The following ZNF518B variants were observed in gnomAD, a reference collection of about 807,000 sequenced individuals.
The protein encoded by ZNF518B is zinc finger protein 518B.
In ZNF518B, 23 loss-of-function variants were observed where a neutral mutation model predicts 56.3. That is an observed-to-expected ratio of 0.41 (90% CI 0.29 to 0.58). The LOEUF (loss-of-function observed/expected upper bound fraction) is 0.58, where lower values mean the gene tolerates loss of function less well. ZNF518B is among the 20% of genes least tolerant of loss of function. The pLI, the probability that ZNF518B is intolerant of heterozygous loss-of-function variation, is 0.32. For missense variants in ZNF518B, 1,460 were observed against 1,272.1 expected (o/e 1.15, Z -2.25); for synonymous variants, 529 against 465.9 (o/e 1.14, Z -1.74).
rs1325316370 is a variant in ZNF518B, at chr4:10,446,107, C to G, written c.222G>C (p.Leu74Phe). ...TACCGTCCTTCCCTGTACCCTTCTGCAAATCTTGAAGAGAGATCTTGTGAA... is the reference window on the plus strand; with the variant it reads ...TACCGTCCTTCCCTGTACCCTTCTGGAAATCTTGAAGAGAGATCTTGTGAA... Reference protein sequence around the residue: ...KSVHKISLQDLQKGTGKDGMY... With the variant: ...KSVHKISLQDFQKGTGKDGMY... Residue 74 changes from leucine to phenylalanine, a missense_variant, in exon 3 of 3, where the codon TTG (leucine) becomes TTC (phenylalanine). By Grantham distance (22) the Leu-to-Phe change is conservative. Coordinates refer to ENST00000326756, the MANE Select transcript of ZNF518B (RefSeq NM_053042.3). 10 of 1,614,040 alleles carry G rather than the reference C, an allele frequency of 6.2e-6. No individual in the cohort carries two copies. The highest frequency in any genetic ancestry group is 8.5e-6 in the Non-Finnish European group (10 of 1,180,040).
Position 10,444,821 on chromosome 4 carries a change from T to C in ZNF518B, c.1508A>G (p.Asn503Ser), listed in dbSNP as rs781640778. The C allele has an allele frequency of 6.2e-7, 1 of 1,614,046 alleles. No homozygotes were observed. Among genetic ancestry groups the C allele is most frequent in the Non-Finnish European group, 8.5e-7 (1 of 1,179,976 alleles). Reference sequence around the variant, plus strand: ...AACAGCAGCTTTATATGGAAAAGGGTTTGATGCAGCTCCAAGACTACGTAA... The same window carrying C: ...AACAGCAGCTTTATATGGAAAAGGGCTTGATGCAGCTCCAAGACTACGTAA... ...SVLRSLGAAS[N>S]PFPYKAAVCF... is the part of the protein sequence containing the mutation. The change falls in exon 3 of 3, where the codon AAC becomes AGC. Residue 503 changes from asparagine (N) to serine (S), a missense_variant. Coordinates refer to ENST00000326756, the MANE Select transcript of ZNF518B (RefSeq NM_053042.3).
At chr4:10,450,335 T>C (rs144040305) in intron 2 of ZNF518B, among the ~76,000 whole-genome samples, 20 of 152,328 alleles carry the variant, frequency 1.3e-4, no homozygotes, top group African/African-American at 4.6e-4. Context: ...TGTTACTACA[T>C]TGCCACATCC....
intron 2 of ZNF518B, among the ~76,000 whole-genome samples, chr4:10,447,938 C>T (rs978272234): frequency 3.3e-5 from 5 of 152,132 alleles, no homozygotes; most frequent in Non-Finnish European, 7.4e-5. Context: ...CGTGAGCCAC[C>T]GCACCTGGCC....
At chr4:10,460,324 C>CAAAAAAAAAAAAAA, upstream of ZNF518B, among the ~76,000 whole-genome samples, 1 of 17,396 alleles carries the variant, frequency 5.7e-5, no homozygotes. Context: ...AAAAAAAAAA[C>CAAAAAAAAAAAAAA]CAAAAAAAAA....
In ZNF518B at chr4:10,444,604, G is replaced by A. The variant is rs745462178; in HGVS notation, c.1725C>T (p.Asn575=). The change falls in exon 3 of 3, where the codon AAC becomes AAT. Residue 575 remains asparagine, a synonymous_variant. Coordinates refer to ENST00000326756, the MANE Select transcript of ZNF518B (RefSeq NM_053042.3). Reference sequence around the variant, plus strand: ...AAACTGCCTTGTGTTCCTCTGTCTGGTTATCTTCCTGCTTCCTATTAGAGG... The same window carrying A: ...AAACTGCCTTGTGTTCCTCTGTCTGATTATCTTCCTGCTTCCTATTAGAGG... ...VVSSNRKQED[N]QTEEHKAVST... 2 of 1,613,974 alleles carry A rather than the reference G, an allele frequency of 1.2e-6. No individual in the cohort carries two copies. The highest frequency in any genetic ancestry group is 2.7e-5 in the African/African-American group (2 of 74,894).
chr4:10,454,356 T>A (rs553964515), intron 2 of ZNF518B: 2 of 152,246 alleles, frequency 1.3e-5, no homozygotes, highest in East Asian at 1.9e-4. Context: ...TGGCATAGTG[T>A]GAGTACAATG....
At chr4:10,460,410 T>G (rs1265487872), upstream of ZNF518B, among the ~76,000 whole-genome samples, 3 of 144,146 alleles carry the variant, frequency 2.1e-5, no homozygotes, top group Non-Finnish European at 4.5e-5. Flanking sequence ...ACGAACAGGG[T>G]AAGGCTCAGC....
At chr4:10,449,696 C>G (rs1715217008) in intron 2 of ZNF518B, among the ~76,000 whole-genome samples, 1 of 152,212 alleles carries the variant, frequency 6.6e-6, no homozygotes, top group Non-Finnish European at 1.5e-5. Context: ...CTCTGATCTA[C>G]CAGTCTTGTA....
chr4:10,458,522 C>T (rs1715640938), upstream of ZNF518B, among the ~76,000 whole-genome samples: 2 of 152,142 alleles, frequency 1.3e-5, no homozygotes, highest in African/African-American at 4.8e-5. Context: ...GGCAAAACCT[C>T]CACCACTAAA....
upstream of ZNF518B, among the ~76,000 whole-genome samples, chr4:10,460,753 A>ACC (rs996431644): frequency 9.9e-5 from 15 of 152,084 alleles, no homozygotes; most frequent in Non-Finnish European, 1.8e-4. Flanking sequence ...ATGCTTCATT[A>ACC]CCCACTTTTA....
upstream of ZNF518B, among the ~76,000 whole-genome samples, chr4:10,458,602 G>A (rs1331878242): frequency 2.6e-5 from 4 of 152,248 alleles, no homozygotes; most frequent in Non-Finnish European, 5.9e-5. Flanking sequence ...AGGCTGCAGT[G>A]CTCCTAACCT....
At chr4:10,451,330 A>G (rs1269040273) in intron 2 of ZNF518B, 1 of 152,208 alleles carries the variant, frequency 6.6e-6, no homozygotes, top group Admixed American at 6.5e-5. Context: ...ATAAAATTTG[A>G]AGAGAAGTAA....
intron 1 of ZNF518B, among the ~76,000 whole-genome samples, chr4:10,455,828 T>C (rs762721944): frequency 1.1e-4 from 16 of 152,348 alleles, no homozygotes; most frequent in Admixed American, 3.3e-4. Flanking sequence ...TTTTAAAAAT[T>C]GCATCCTAGT....
chr4:10,448,712 G>A (rs1014367723), intron 2 of ZNF518B, among the ~76,000 whole-genome samples: 6 of 151,982 alleles, frequency 3.9e-5, no homozygotes, highest in African/African-American at 9.7e-5. Flanking sequence ...CCTGTGTAAG[G>A]GGACCATGAT....
rs1484070791 is a variant in ZNF518B at position 10,444,358 on chromosome 4, A to C, written c.1971T>G (p.Ser657=). The change falls in exon 3 of 3, where the codon TCT becomes TCG. Residue 657 remains serine, a synonymous_variant. Transcript: ENST00000326756. ...GCAACAGTTCAATTGACTTTATTTT[A>C]GACGTTGAGCTATTCCACTTAATGC... ...PEGIKWNSST[S]KIKSIELLRR... 1 of 1,614,200 alleles carries C rather than the reference A, an allele frequency of 6.2e-7. No homozygotes were observed.
chr4:10,449,372 T>C (rs763154768), intron 2 of ZNF518B, among the ~76,000 whole-genome samples: 1 of 152,230 alleles, frequency 6.6e-6, no homozygotes, highest in Non-Finnish European at 1.5e-5. Flanking sequence ...CTGAAGCTTC[T>C]GAGAATATTT....
chr4:10,460,306 A>AAAAAAAAAAAG (rs1715701395), upstream of ZNF518B, among the ~76,000 whole-genome samples: 1 of 84,492 alleles, frequency 1.2e-5, no homozygotes, highest in Non-Finnish European at 1.9e-5. Flanking sequence ...CTCTGTCTCA[A>AAAAAAAAAAAG]AAAAAAAAAA....
rs887082253 is a variant in ZNF518B, at chr4:10,440,856, C to G, written c.*2248G>C. 1 of 151,814 alleles carries G rather than the reference C, an allele frequency of 6.6e-6. No homozygotes were observed. Among genetic ancestry groups the G allele is most frequent in the Non-Finnish European group, 1.5e-5 (1 of 67,924 alleles). 9.4% of individuals were successfully genotyped at this position (151,814 alleles called of 1,614,324 possible). A position where few individuals can be genotyped will look rare whatever the true frequency, so the allele number is the denominator to read the frequency against. On this transcript the variant is annotated 3_prime_UTR_variant, in exon 3 of 3. Transcript: ENST00000326756. Reference sequence around the variant, plus strand: ...TGAGGAATAGGAGATAAAAAAGTGGCAAACAAAACAAAACAAAAAAAAACC... The same window carrying G: ...TGAGGAATAGGAGATAAAAAAGTGGGAAACAAAACAAAACAAAAAAAAACC...
Position 10,443,433 on chromosome 4 carries a change from A to G in ZNF518B, c.2896T>C (p.Tyr966His). The G allele has an allele frequency of 6.2e-7, 1 of 1,614,104 alleles. No homozygotes were observed. The highest frequency in any genetic ancestry group is 8.5e-7 in the Non-Finnish European group (1 of 1,179,982). Residue 966 changes from tyrosine to histidine, a missense_variant, in exon 3 of 3, where the codon TAC (tyrosine) becomes CAC (histidine). Transcript: ENST00000326756. ...VTNVMKVINK[Y>H]KGNVLKVVLS... ...ACAACTTTGAGGACATTGCCTTTGT[A>G]TTTATTTATTACCTTCATCACATTG...
Sources: gnomAD v4.1 joint callset for allele counts (sites outside exome capture counted in the v4.1 genomes callset) on GRCh38, gnomAD v4.1.1 for gene constraint, MANE v1.5 for transcripts, NCBI Gene and HGNC (gene_info 2026-07-23, HGNC 2026-07-21) for gene names.